The following MYH8 variants were observed in gnomAD, a reference collection of about 807,000 sequenced individuals.
MYH8 encodes myosin heavy chain 8.
In MYH8, 168 loss-of-function variants were observed where a neutral mutation model predicts 233.2. That is an observed-to-expected ratio of 0.72 (90% confidence interval 0.64 to 0.82). The LOEUF is 0.82. MYH8 is among the 40% of genes least tolerant of loss of function. The pLI is 0.00. For synonymous variants in MYH8, 785 were observed against 850.6 expected (o/e 0.92, Z 1.34); for missense variants, 1,995 against 2,327.8 (o/e 0.86, Z 2.94).
Position 10,415,815 on chromosome 17 carries a change from G to T in MYH8, c.512-107C>A. On this transcript the variant is annotated intron_variant, in intron 5 of 39. Coordinates refer to ENST00000403437, the MANE Select transcript of MYH8 (RefSeq NM_002472.3). This position sits in a 1 kb window ranked among gnomAD's most constrained non-coding sequence, Gnocchi z 4.1. ...TTGTTCTTTTTAACTTTTTGAAGAT[G>T]TCACCTTTGGTTTTGATTTTGTGTT... The T allele has an allele frequency of 1.5e-6, 2 of 1,296,006 alleles. No homozygotes were observed. The highest frequency in any genetic ancestry group is 2.2e-6 in the Non-Finnish European group (2 of 918,592). The allele number at this position is 1,296,006 out of a possible 1,614,324, so 80.3% of individuals were successfully genotyped here. A position where few individuals can be genotyped will look rare whatever the true frequency, so the allele number is the denominator to read the frequency against.
Position 10,415,115 on chromosome 17 carries a change from CAT to C in MYH8, c.804_805del (p.Tyr269SerfsTer27), listed in dbSNP as rs762385392. The C allele has an allele frequency of 8.7e-6, 14 of 1,611,896 alleles. No individual in the cohort carries two copies. The highest frequency in any genetic ancestry group is 2.7e-5 in the African/African-American group (2 of 74,854). ...TGATTTTCAATGGTCCTGTTACTCA[CAT>C]GTTTCTATATCAGCAGATGCCAGCT... On this transcript the variant is annotated frameshift_variant and splice_region_variant, in exon 9 of 40. Coordinates refer to ENST00000403437, the MANE Select transcript of MYH8 (RefSeq NM_002472.3). LOFTEE classifies it high-confidence loss of function. This position sits in a 1 kb window ranked among gnomAD's most constrained non-coding sequence, Gnocchi z 4.1.
chr17:10,416,718 A>G (rs981382107), intron 5 of MYH8, among the ~76,000 whole-genome samples: 4 of 152,220 alleles, frequency 2.6e-5, no homozygotes, highest in Admixed American at 2.0e-4. Context: ...ATACAGAAGT[A>G]GAGACAATAA....
rs71365759 is a variant in MYH8 at position 10,398,994 on chromosome 17, G to GTATATATA, written c.3863-116_3863-109dup. 1,153 of 312,630 alleles carry GTATATATA rather than the reference G, an allele frequency of 3.7e-3. 4 individuals carry two copies. Among genetic ancestry groups the GTATATATA allele is most frequent in the South Asian group, 5.8e-3 (136 of 23,260 alleles). 19.4% of individuals were successfully genotyped at this position (312,630 alleles called of 1,614,324 possible). A position where few individuals can be genotyped will look rare whatever the true frequency, so the allele number is the denominator to read the frequency against. On this transcript the variant is annotated intron_variant, in intron 28 of 39. Transcript: ENST00000403437. ...TATATATATGTATATATGTGTGTGT[G>GTATATATA]TATATATATATATATATATATATAC...
Position 10,393,991 on chromosome 17 carries a change from C to CTTTTTTTTTT in MYH8, c.5166+248_5166+257dup, listed in dbSNP as rs35512526. Among the ~76,000 whole-genome samples the CTTTTTTTTTT allele has an allele frequency of 5.6e-4, 20 of 36,002 alleles. 3 individuals are homozygous for CTTTTTTTTTT. The highest frequency in any genetic ancestry group is 2.5e-3 in the African/African-American group (20 of 8,014). 23.6% of individuals were successfully genotyped at this position (36,002 alleles called of 152,430 possible). A position where few individuals can be genotyped will look rare whatever the true frequency, so the allele number is the denominator to read the frequency against. ...TTATTTTTAAATAAAAAAGTAATAGCTTTTTTTTTTTTTTTTTTTTTTTTT... is the reference window on the plus strand; with the variant it reads ...TTATTTTTAAATAAAAAAGTAATAGCTTTTTTTTTTTTTTTTTTTTTTTTTTTTTTTTTTT... On this transcript the variant is annotated intron_variant, in intron 35 of 39. Coordinates refer to ENST00000403437, the MANE Select transcript of MYH8 (RefSeq NM_002472.3).
Position 10,400,434 on chromosome 17 carries a change from T to C in MYH8, c.3691A>G (p.Thr1231Ala), listed in dbSNP as rs1032490997. Residue 1231 changes from threonine to alanine, a missense_variant, in exon 27 of 40, where the codon ACT becomes GCT. Thr to Ala is a moderately conservative substitution (Grantham distance 58, BLOSUM62 0). Coordinates refer to ENST00000403437, the MANE Select transcript of MYH8 (RefSeq NM_002472.3). The surrounding 1 kb of genome is among the most constrained non-coding windows in gnomAD (Gnocchi z 4.0). ...EKEKSELKME[T>A]DDLSSNAEAI... is the part of the protein sequence containing the mutation. ...TCTGCGTTACTGCTGAGGTCATCAGTCTCCATCTTCAGCTCACTCTTCTCC... is the reference window on the plus strand; with the variant it reads ...TCTGCGTTACTGCTGAGGTCATCAGCCTCCATCTTCAGCTCACTCTTCTCC... 1 of 1,613,964 alleles carries C rather than the reference T, an allele frequency of 6.2e-7. No homozygotes were observed. The highest frequency in any genetic ancestry group is 8.5e-7 in the Non-Finnish European group (1 of 1,179,980).
chr17:10,415,125 T>G lies in MYH8; in HGVS notation c.796A>C (p.Ile266Leu). ...TGGTCCTGTTACTCACATGTTTCTA[T>G]ATCAGCAGATGCCAGCTTCCCTGTA... The part of the protein sequence containing the change: ...GTTGKLASAD[I>L]ETYLLEKSRV... Residue 266 changes from isoleucine (I) to leucine (L), a missense_variant, in exon 9 of 40, where the codon ATA becomes CTA. Around this residue, in one of 3 missense-constraint regions of MYH8, gnomAD observed 479 missense variants for 600.9 expected, o/e 0.80. Coordinates refer to ENST00000403437, the MANE Select transcript of MYH8 (RefSeq NM_002472.3). The surrounding 1 kb of genome is among the most constrained non-coding windows in gnomAD (Gnocchi z 4.1). The G allele has an allele frequency of 6.2e-7, 1 of 1,612,752 alleles. No individual in the cohort carries two copies. Among genetic ancestry groups the G allele is most frequent in the Non-Finnish European group, 8.5e-7 (1 of 1,178,694 alleles).
intron 22 of MYH8, among the ~76,000 whole-genome samples, chr17:10,403,472 T>C (rs1431711298): frequency 5.3e-5 from 8 of 152,184 alleles, no homozygotes; most frequent in African/African-American, 1.9e-4. Context: ...CTTTTTTCTT[T>C]TTTTGAGCTT....
intron 17 of MYH8, among the ~76,000 whole-genome samples, chr17:10,407,385 AG>A (rs1398619277): frequency 6.6e-6 from 1 of 152,200 alleles, no homozygotes; most frequent in Non-Finnish European, 1.5e-5. Context: ...ATTGTTTGTG[AG>A]GTCTCTTTCA....
chr17:10,412,073 T>A (rs757263767), intron 14 of MYH8, among the ~76,000 whole-genome samples: 4 of 152,212 alleles, frequency 2.6e-5, no homozygotes, highest in Non-Finnish European at 4.4e-5. Context: ...GTGTTTTGAT[T>A]TCCCTGCATC....
chr17:10,412,303 AATG>A, intron 14 of MYH8, 64 bp downstream of exon 14: 1 of 1,613,796 alleles, frequency 6.2e-7, no homozygotes, highest in Non-Finnish European at 8.5e-7. Context: ...GTGGATGAAT[AATG>A]ATAATACCTA....
chr17:10,399,923 G>T (rs1160361765), intron 27 of MYH8, among the ~76,000 whole-genome samples: 1 of 152,188 alleles, frequency 6.6e-6, no homozygotes, highest in Non-Finnish European at 1.5e-5. Context: ...ATCTTAATAG[G>T]CCGGGCGCGG....
chr17:10,394,500 G>T (rs985516225), intron 34 of MYH8, 48 bp from the exon 35 acceptor site: 1 of 1,597,204 alleles, frequency 6.3e-7, no homozygotes, highest in Non-Finnish European at 8.6e-7. Context: ...AAGAGGATTT[G>T]AAGATCCCAG....
At chr17:10,416,864 T>C (rs1567690096) in intron 5 of MYH8, among the ~76,000 whole-genome samples, 2 of 152,336 alleles carry the variant, frequency 1.3e-5, no homozygotes, top group South Asian at 2.1e-4. Context: ...ATTGTATTTA[T>C]AAATACTTCA....
chr17:10,412,847 A>C, intron 12 of MYH8, 119 bp from the exon 13 acceptor site: 2 of 1,034,472 alleles, frequency 1.9e-6, no homozygotes, highest in Non-Finnish European at 3.0e-6. Flanking sequence ...AATTCTATAA[A>C]AGGCCAAATG....
chr17:10,415,598 G>C lies in MYH8; in HGVS notation c.540-18C>G. ...ATTCTCCGCTGTCAAACAGAAATCAGAGAAGAGATCAGAGAACTATGGCCT... is the reference window on the plus strand; with the variant it reads ...ATTCTCCGCTGTCAAACAGAAATCACAGAAGAGATCAGAGAACTATGGCCT... On this transcript the variant is annotated intron_variant, in intron 6 of 39. Transcript: ENST00000403437. This position sits in a 1 kb window ranked among gnomAD's most constrained non-coding sequence, Gnocchi z 4.1. 1 of 1,613,580 alleles carries C rather than the reference G, an allele frequency of 6.2e-7. No individual in the cohort carries two copies. The highest frequency in any genetic ancestry group is 8.5e-7 in the Non-Finnish European group (1 of 1,179,514).
chr17:10,406,350 T>C lies in MYH8; in HGVS notation c.2219A>G (p.Asp740Gly). The change falls in exon 20 of 40, where the codon GAC becomes GGC. Residue 740 changes from aspartate to glycine, a missense_variant. This residue lies in a region of MYH8 where 1,498 missense variants were observed against 1,680.9 expected (regional missense o/e 0.89). Transcript: ENST00000403437. Reference protein sequence around the residue: ...ASAIPEGQFIDSKKASEKLLA... With the variant: ...ASAIPEGQFIGSKKASEKLLA... Reference sequence around the variant, plus strand: ...AAGTTTCTCAGAAGCCTTCTTGCTGTCAATGAACTGTCCCTCTGGAATAGC... The same window carrying C: ...AAGTTTCTCAGAAGCCTTCTTGCTGCCAATGAACTGTCCCTCTGGAATAGC... 1.2e-6 allele frequency: 2 copies of C among 1,613,950 alleles called. No homozygotes were observed. The highest frequency in any genetic ancestry group is 2.2e-5 in the East Asian group (1 of 44,864).
Position 10,406,361 on chromosome 17 carries a change from TCCCTCTGGA to T in MYH8, c.2199_2207del (p.Pro734_Gly736del). 6.2e-7 allele frequency: 1 copy of T among 1,613,958 alleles called. No individual in the cohort carries two copies. Among genetic ancestry groups the T allele is most frequent in the Non-Finnish European group, 8.5e-7 (1 of 1,179,872 alleles). On this transcript the variant is annotated inframe_deletion, in exon 20 of 40. Coordinates refer to ENST00000403437, the MANE Select transcript of MYH8 (RefSeq NM_002472.3). ...AAGCCTTCTTGCTGTCAATGAACTG[TCCCTCTGGA>T]ATAGCACTTGCATTTAAAACCTTGT...
In MYH8 at chr17:10,417,784, T is replaced by C. The variant is rs573271822; in HGVS notation, c.511+861A>G. On this transcript the variant is annotated intron_variant, in intron 5 of 39. Coordinates refer to ENST00000403437, the MANE Select transcript of MYH8 (RefSeq NM_002472.3). The surrounding 1 kb of genome is among the most constrained non-coding windows in gnomAD (Gnocchi z 4.1). ...TGGCATAGAATCCTTGTAGAATTGA[T>C]GGCCAATTTGTAATGGGAGATTCCT... Among the ~76,000 whole-genome samples, 7 of 152,300 alleles carry C rather than the reference T, an allele frequency of 4.6e-5. No homozygotes were observed. The South Asian group carries it at 1.5e-3, about 32-fold the overall frequency.
At chr17:10,408,944 C>T (rs1317367367) in intron 17 of MYH8, among the ~76,000 whole-genome samples, 153 bp downstream of exon 17, 2 of 152,200 alleles carry the variant, frequency 1.3e-5, no homozygotes, top group African/African-American at 4.8e-5. Context: ...TCCGTTCCTA[C>T]AGGAGTAGTA....
Sources: allele counts gnomAD v4.1 joint callset (sites outside exome capture counted in the v4.1 genomes callset), GRCh38; gene constraint gnomAD v4.1.1; regional missense constraint gnomAD v4.1.1; non-coding constraint Gnocchi (gnomAD v3.1); transcripts MANE v1.5; gene names NCBI Gene and HGNC (gene_info 2026-07-23, HGNC 2026-07-21).